JPH1: variants seen among roughly 807,000 people sequenced by gnomAD.
The protein encoded by JPH1 is junctophilin 1, also known as junctophilin-1.
A neutral mutation model predicts 53.6 loss-of-function variants in JPH1; 12 were observed. The observed-to-expected ratio is 0.22, with a 90% confidence interval of 0.14 to 0.36. The LOEUF (loss-of-function observed/expected upper bound fraction) is 0.36. JPH1 is among the 10% of genes least tolerant of loss of function. The probability of loss-of-function intolerance (pLI) is 1.00; values close to 1 mark genes in which losing one functional copy is unlikely to be tolerated. For missense variants in JPH1, 808 were observed against 905.5 expected (o/e 0.89, Z 1.38); for synonymous variants, 375 against 363.8 (o/e 1.03, Z -0.35).
At position 74,236,439 on chromosome 8, in the gene JPH1, C is replaced by A. The variant is rs1214900458; in HGVS notation, c.*612G>T. ...GTCGTGCACAAGCAAACGAAACGTT[C>A]TCTCCCAGAACATTCCAGGAGATGT... On this transcript the variant is annotated 3_prime_UTR_variant, in exon 6 of 6. Coordinates refer to ENST00000342232, the MANE Select transcript of JPH1 (RefSeq NM_020647.4). The A allele has an allele frequency of 1.3e-5, 2 of 152,540 alleles. No individual in the cohort carries two copies. Among genetic ancestry groups the A allele is most frequent in the Non-Finnish European group, 2.9e-5 (2 of 68,032 alleles). 9.4% of individuals were successfully genotyped at this position (152,540 alleles called of 1,614,324 possible).
At chr8:74,269,989 G>A (rs1294023976) in intron 2 of JPH1, among the ~76,000 whole-genome samples, 1 of 152,136 alleles carries the variant, frequency 6.6e-6, no homozygotes, top group Non-Finnish European at 1.5e-5. Context: ...CTTTCTCTGT[G>A]AATCTGTCAC....
At chr8:74,282,105 T>C (rs1807031521) in intron 2 of JPH1, among the ~76,000 whole-genome samples, 1 of 152,146 alleles carries the variant, frequency 6.6e-6, no homozygotes, top group Admixed American at 6.6e-5. Context: ...CCTATCAGTA[T>C]CCTAAAGTTA....
chr8:74,265,640 C>T (rs2131400124), intron 2 of JPH1, among the ~76,000 whole-genome samples: 2 of 152,060 alleles, frequency 1.3e-5, no homozygotes, highest in South Asian at 4.2e-4. Flanking sequence ...AAAACATTAC[C>T]ATTAAATAAA....
At position 74,315,018 on chromosome 8, in the gene JPH1, C is replaced by T; in HGVS notation, c.982G>A (p.Glu328Lys). 1 of 1,614,202 alleles carries T rather than the reference C, an allele frequency of 6.2e-7. No homozygotes were observed. Residue 328 changes from glutamate to lysine, a missense_variant, in exon 2 of 6, where the codon GAG becomes AAG. Physicochemically the swap from Glu to Lys is moderately conservative, Grantham distance 56. This residue lies in a region of JPH1 where 756 missense variants were observed against 811.9 expected (regional missense o/e 0.93). Coordinates refer to ENST00000342232, the MANE Select transcript of JPH1 (RefSeq NM_020647.4). The surrounding 1 kb of genome is among the most constrained non-coding windows in gnomAD (Gnocchi z 6.3). Reference protein sequence around the residue: ...CTVFPDGSKEEGKYKNNILVR... With the variant: ...CTVFPDGSKEKGKYKNNILVR... ...AGAATATTATTTTTGTATTTTCCCT[C>T]TTCTTTGGAGCCGTCAGGAAACACG...
intron 1 of JPH1, among the ~76,000 whole-genome samples, chr8:74,319,969 T>C (rs1459133465): frequency 6.6e-6 from 1 of 152,216 alleles, no homozygotes; most frequent in African/African-American, 2.4e-5. Flanking sequence ...ATATACACAA[T>C]CTCTTTGGCA....
At chr8:74,310,966 G>A (rs1020202529) in intron 2 of JPH1, among the ~76,000 whole-genome samples, 3 of 152,194 alleles carry the variant, frequency 2.0e-5, no homozygotes, top group African/African-American at 2.4e-5. Flanking sequence ...GGGCTTGGAC[G>A]AGATGCGCTC....
rs267601991 is a variant in JPH1, at chr8:74,245,122, G to T, written c.1312C>A (p.Pro438Thr). The T allele has an allele frequency of 1.6e-5, 26 of 1,609,784 alleles. No homozygotes were observed. The highest frequency in any genetic ancestry group is 2.2e-5 in the Non-Finnish European group (26 of 1,179,466). ...GGCTTTTCTGGTACCTTTTCTTCTG[G>T]ATTTTCTTTAGCATCTACACCTTCC... The part of the protein sequence containing the change: ...FQEGVDAKEN[P>T]EEKVPEKPPT... Residue 438 changes from proline (P) to threonine (T), a missense_variant, in exon 4 of 6, where the codon CCA becomes ACA. Physicochemically the swap from Pro to Thr is conservative, Grantham distance 38 (BLOSUM62 -1). This residue lies in a region of JPH1 where 756 missense variants were observed against 811.9 expected (regional missense o/e 0.93). Transcript: ENST00000342232.
chr8:74,258,972 G>A (rs567786957), intron 3 of JPH1, among the ~76,000 whole-genome samples: 71 of 152,280 alleles, frequency 4.7e-4, no homozygotes, highest in East Asian at 3.1e-3. Flanking sequence ...GCACCGACAC[G>A]ATGCTACAAG....
chr8:74,277,186 G>A (rs1806872737), intron 2 of JPH1, among the ~76,000 whole-genome samples: 1 of 152,144 alleles, frequency 6.6e-6, no homozygotes, highest in South Asian at 2.1e-4. Flanking sequence ...CCCTCTGCCT[G>A]CAAAGCCACC....
chr8:74,258,114 C>T (rs931492125), intron 3 of JPH1, among the ~76,000 whole-genome samples: 18 of 152,106 alleles, frequency 1.2e-4, no homozygotes, highest in Non-Finnish European at 2.9e-5. Flanking sequence ...GTTCCGACAG[C>T]GTATACCCCT....
intron 4 of JPH1, among the ~76,000 whole-genome samples, chr8:74,242,757 G>T (rs1805733730): frequency 6.6e-6 from 1 of 152,254 alleles, no homozygotes; most frequent in African/African-American, 2.4e-5. Context: ...CTGCGGAGCT[G>T]CTGGGGCTTC....
chr8:74,302,625 A>G (rs1807715598), intron 2 of JPH1, among the ~76,000 whole-genome samples: 1 of 152,164 alleles, frequency 6.6e-6, no homozygotes, highest in African/African-American at 2.4e-5. Context: ...GGAGGGGGAC[A>G]TGGGAGAAGG....
intron 2 of JPH1, among the ~76,000 whole-genome samples, chr8:74,270,862 G>A (rs1806677693): frequency 6.6e-6 from 1 of 152,146 alleles, no homozygotes; most frequent in Admixed American, 6.5e-5. Flanking sequence ...ACTTTGATGA[G>A]CTTTTAACCT....
chr8:74,244,394 TG>T, intron 4 of JPH1, 134 bp downstream of exon 4: 1 of 900,968 alleles, frequency 1.1e-6, no homozygotes, highest in Non-Finnish European at 1.7e-6. Flanking sequence ...ATGTGTTATG[TG>T]CTGCTCTAAA....
chr8:74,277,377 C>T (rs1381339490), intron 2 of JPH1, among the ~76,000 whole-genome samples: 1 of 152,234 alleles, frequency 6.6e-6, no homozygotes, highest in Non-Finnish European at 1.5e-5. Flanking sequence ...CCACAGCATA[C>T]CTGCAATCCT....
At chr8:74,279,536 G>C (rs2131417435) in intron 2 of JPH1, among the ~76,000 whole-genome samples, 2 of 152,164 alleles carry the variant, frequency 1.3e-5, no homozygotes, top group Admixed American at 1.3e-4. Flanking sequence ...CTCTGCATAG[G>C]GGCTTAAGAG....
At chr8:74,319,873 G>A (rs745425885) in intron 1 of JPH1, among the ~76,000 whole-genome samples, 16 of 152,148 alleles carry the variant, frequency 1.1e-4, no homozygotes, top group Non-Finnish European at 1.6e-4. Context: ...CTTTCTCAGC[G>A]TATTACACAA....
intron 3 of JPH1, among the ~76,000 whole-genome samples, chr8:74,256,106 A>C (rs1031764329): frequency 6.6e-6 from 1 of 152,156 alleles, no homozygotes; most frequent in South Asian, 2.1e-4. Context: ...TGTTTATTGC[A>C]GCACTATTGA....
chr8:74,296,019 GACACACACACAC>G (rs59881666), intron 2 of JPH1, among the ~76,000 whole-genome samples: 6 of 136,508 alleles, frequency 4.4e-5, no homozygotes, highest in African/African-American at 1.4e-4. Context: ...TCTCAGTAAG[GACACACACACAC>G]ACACACACAC....
Sources: gnomAD v4.1 joint callset for allele counts (sites outside exome capture counted in the v4.1 genomes callset) on GRCh38, gnomAD v4.1.1 for gene constraint, gnomAD v4.1.1 regional missense constraint, Gnocchi (gnomAD v3.1) non-coding constraint, MANE v1.5 for transcripts, NCBI Gene and HGNC (gene_info 2026-07-23, HGNC 2026-07-21) for gene names.